Variants in ARHGAP44 observed in about 807,000 individuals in gnomAD.
ARHGAP44 encodes rho GTPase-activating protein 44.
Under a neutral mutation model 106.8 loss-of-function variants are expected in ARHGAP44, and 43 were observed. That is an observed-to-expected ratio of 0.40 (90% CI 0.32 to 0.52). ARHGAP44 has a LOEUF of 0.52. ARHGAP44 is among the 20% of genes least tolerant of loss of function. The pLI is 0.48. For missense variants in ARHGAP44, 866 were observed against 1,050.5 expected, an observed-to-expected ratio of 0.82 and a Z score of 2.43; for synonymous variants, 439 against 410.3, an observed-to-expected ratio of 1.07 and a Z score of -0.85.
chr17:12,949,645 C>G lies in ARHGAP44; in HGVS notation c.974-4C>G. 6.2e-7 allele frequency: 1 copy of G among 1,613,556 alleles called. No homozygotes were observed. The highest frequency in any genetic ancestry group is 8.5e-7 in the Non-Finnish European group (1 of 1,179,636). ...TTCACAACCAATATTTCATTCATGC[C>G]TAGGAGCTTTGAAATCTTACCTCCG... is the stretch of plus-strand genomic sequence containing the variant. On this transcript the variant is annotated splice_region_variant and splice_polypyrimidine_tract_variant and intron_variant, in intron 11 of 20. Coordinates refer to ENST00000379672, the MANE Select transcript of ARHGAP44 (RefSeq NM_014859.6). The surrounding 1 kb of genome is among the most constrained non-coding windows in gnomAD (Gnocchi z 4.1).
At chr17:12,894,241 A>AGTGT (rs60415791) in intron 1 of ARHGAP44, among the ~76,000 whole-genome samples, 2,721 of 148,036 alleles carry the variant, frequency 0.018, 86 homozygotes, top group African/African-American at 0.064. Flanking sequence ...AGAGAGAGAG[A>AGTGT]GTGTGTGTGT....
At chr17:12,867,589 T>C (rs2036269910) in intron 1 of ARHGAP44, among the ~76,000 whole-genome samples, 1 of 152,314 alleles carries the variant, frequency 6.6e-6, no homozygotes, top group African/African-American at 2.4e-5. Flanking sequence ...CTGTTGGACT[T>C]GATCACAGGT....
chr17:12,957,322 G>T (rs2322712), intron 15 of ARHGAP44, among the ~76,000 whole-genome samples: 16,789 of 152,108 alleles, frequency 0.11, 1,728 homozygotes, highest in African/African-American at 0.26. Context: ...AACCATGTCC[G>T]TGGATTTTAC....
Position 12,847,618 on chromosome 17 carries a change from A to G in ARHGAP44, c.54-47322A>G, listed in dbSNP as rs530788867. ...AAGCTCCGCCTCCTGGGTTCACGCC[A>G]TTCTCCTGCCTCAGCCTCCCCAGTA... is the stretch of plus-strand genomic sequence containing the variant. On this transcript the variant is annotated intron_variant, in intron 1 of 20. Coordinates refer to ENST00000379672, the MANE Select transcript of ARHGAP44 (RefSeq NM_014859.6). Among the ~76,000 whole-genome samples the G allele has an allele frequency of 6.9e-5, 10 of 145,150 alleles. No individual in the cohort carries two copies. The East Asian group carries it at 2.1e-3, about 30-fold the overall frequency.
Position 12,941,079 on chromosome 17 carries a change from C to T in ARHGAP44, c.606C>T (p.Tyr202=), listed in dbSNP as rs1338590813. The change falls in exon 8 of 21, where the codon TAC becomes TAT. Residue 202 remains tyrosine, a synonymous_variant. Coordinates refer to ENST00000379672, the MANE Select transcript of ARHGAP44 (RefSeq NM_014859.6). ...AGGACCAGCTCTCAGCTGATATGTA[C>T]AGTTTTGTGGCCAAAGAAATTGACT... ...ICRDQLSADM[Y]SFVAKEIDYA... 3 of 1,613,980 alleles carry T rather than the reference C, an allele frequency of 1.9e-6. No individual in the cohort carries two copies. The highest frequency in any genetic ancestry group is 2.2e-5 in the East Asian group (1 of 44,884).
intron 6 of ARHGAP44, among the ~76,000 whole-genome samples, chr17:12,921,386 C>G (rs924957985): frequency 6.6e-6 from 1 of 152,160 alleles, no homozygotes; most frequent in Non-Finnish European, 1.5e-5. Flanking sequence ...CACTCTGTAA[C>G]TCAGGCTGGA....
At chr17:12,909,202 A>G (rs540638677) in intron 4 of ARHGAP44, among the ~76,000 whole-genome samples, 4 of 152,222 alleles carry the variant, frequency 2.6e-5, no homozygotes, top group Non-Finnish European at 5.9e-5. Context: ...ATGAAGGACA[A>G]TTGAAATCCC....
intron 12 of ARHGAP44, 55 bp from the exon 13 acceptor site, chr17:12,952,446 G>A (rs777993089): frequency 6.2e-5 from 83 of 1,342,836 alleles, no homozygotes; most frequent in African/African-American, 1.0e-4. Context: ...TATGATTTCC[G>A]ATGAGACTTT....
At chr17:12,809,103 T>C (rs2034364299) in intron 1 of ARHGAP44, among the ~76,000 whole-genome samples, 1 of 152,200 alleles carries the variant, frequency 6.6e-6, no homozygotes, top group African/African-American at 2.4e-5. Flanking sequence ...TCACCTTTAT[T>C]CCAGTTCCCA....
chr17:12,795,231 G>A (rs1333197943), intron 1 of ARHGAP44, among the ~76,000 whole-genome samples: 1 of 152,178 alleles, frequency 6.6e-6, no homozygotes, highest in East Asian at 1.9e-4. Flanking sequence ...AGGCCTTACT[G>A]CCTGTTCTGC....
intron 10 of ARHGAP44, among the ~76,000 whole-genome samples, chr17:12,945,313 G>A (rs1429240594): frequency 6.6e-6 from 1 of 152,066 alleles, no homozygotes; most frequent in Non-Finnish European, 1.5e-5. Flanking sequence ...CCTGACCCAA[G>A]AAGTTCTTGA....
intron 6 of ARHGAP44, among the ~76,000 whole-genome samples, chr17:12,926,290 A>C (rs1416560740): frequency 1.3e-5 from 2 of 151,450 alleles, no homozygotes; most frequent in Admixed American, 1.3e-4. Flanking sequence ...GCTTGAACCC[A>C]GGAGGTGGAA....
chr17:12,790,068 C>T (rs1467043917), intron 1 of ARHGAP44, 177 bp downstream of exon 1: 1 of 547,374 alleles, frequency 1.8e-6, no homozygotes, highest in African/African-American at 2.0e-5. Context: ...CTTCCCAGAC[C>T]CCGGAGCTCT....
intron 1 of ARHGAP44, among the ~76,000 whole-genome samples, chr17:12,826,342 G>C (rs2034918688): frequency 6.6e-6 from 1 of 152,092 alleles, no homozygotes; most frequent in African/African-American, 2.4e-5. Context: ...CTCTTAGCCT[G>C]TTTCTTTGCA....
intron 1 of ARHGAP44, among the ~76,000 whole-genome samples, chr17:12,803,131 C>A (rs1029233088): frequency 2.0e-5 from 3 of 150,834 alleles, no homozygotes; most frequent in African/African-American, 7.3e-5. Context: ...CACCACCAGG[C>A]GCCTGTATTT....
intron 10 of ARHGAP44, among the ~76,000 whole-genome samples, chr17:12,946,039 G>A (rs1329700305): frequency 1.4e-4 from 22 of 152,138 alleles, no homozygotes; most frequent in Admixed American, 9.8e-4. Flanking sequence ...GATTATAGGC[G>A]TGAGCCACCG....
intron 1 of ARHGAP44, among the ~76,000 whole-genome samples, chr17:12,843,568 A>G (rs1450262489): frequency 1.3e-5 from 2 of 149,746 alleles, no homozygotes; most frequent in Non-Finnish European, 3.0e-5. Flanking sequence ...ATGTCTAGTA[A>G]TTTTGGTTTA....
chr17:12,980,360 G>A, intron 19 of ARHGAP44, 127 bp downstream of exon 19: 2 of 1,023,074 alleles, frequency 2.0e-6, no homozygotes, highest in Non-Finnish European at 2.8e-6. Context: ...ATTCCCATCT[G>A]GACATTAGAG....
intron 20 of ARHGAP44, chr17:12,985,118 A>G (rs1285170477): frequency 1.7e-6 from 1 of 601,086 alleles, no homozygotes; most frequent in East Asian, 3.0e-5. Flanking sequence ...GGGGCTTCTT[A>G]TGGGATCTCT....
Sources: allele counts gnomAD v4.1 joint callset (sites outside exome capture counted in the v4.1 genomes callset), GRCh38; gene constraint gnomAD v4.1.1; non-coding constraint Gnocchi (gnomAD v3.1); transcripts MANE v1.5; gene names NCBI Gene and HGNC (gene_info 2026-07-23, HGNC 2026-07-21).